ELMO1: variants seen among roughly 807,000 people sequenced by gnomAD.
ELMO1 encodes engulfment and cell motility 1, also known as engulfment and cell motility protein 1.
A neutral mutation model predicts 98.9 loss-of-function variants in ELMO1; 26 were observed. The observed-to-expected ratio is 0.26, with a 90% CI of 0.19 to 0.36. The LOEUF is 0.36. ELMO1 is among the 10% of genes least tolerant of loss of function. The probability of loss-of-function intolerance (pLI) is 1.00; values close to 1 mark genes in which losing one functional copy is unlikely to be tolerated. For synonymous variants in ELMO1, 346 were observed against 346.0 expected (o/e 1.00, Z 0.00); for missense variants, 627 against 935.2 (o/e 0.67, Z 4.30).
chr7:37,060,855 G>A lies in ELMO1; in HGVS notation c.1300+35764C>T, dbSNP rs372420874. ...AGTCACTGGATTCTGGCCCAATTTG[G>A]TGATGGGCTAGGGAGGAGGGAGGCA... On this transcript the variant is annotated intron_variant, in intron 15 of 21. Coordinates refer to ENST00000310758, the MANE Select transcript of ELMO1 (RefSeq NM_014800.11). 2.0e-5 allele frequency among the ~76,000 whole-genome samples: 3 copies of A among 150,388 alleles called. No homozygotes were observed. The South Asian group carries it at 6.2e-4, about 31-fold the overall frequency.
Position 36,855,697 on chromosome 7 carries a change from C to G in ELMO1, c.2038G>C (p.Asp680His). Residue 680 changes from aspartate (D) to histidine (H), a missense_variant, in exon 22 of 22, where the codon GAC becomes CAC. Asp to His is a moderately conservative substitution (Grantham distance 81). This residue lies in a region of ELMO1 where 492 missense variants were observed against 715.6 expected (regional missense o/e 0.69). Transcript: ENST00000310758. This position sits in a 1 kb window ranked among gnomAD's most constrained non-coding sequence, Gnocchi z 4.2. ...GTGTCCAGGTCATTCCGCGTCAGGT[C>G]GCTCATCATGTCCTTCCCGAGTAGC... Reference protein sequence around the residue: ...NALLGKDMMSDLTRNDLDTLL... With the variant: ...NALLGKDMMSHLTRNDLDTLL... The G allele has an allele frequency of 1.2e-6, 2 of 1,614,070 alleles. No individual in the cohort carries two copies. The highest frequency in any genetic ancestry group is 1.7e-6 in the Non-Finnish European group (2 of 1,179,980).
At chr7:37,220,921 CCAG>C (rs201107034) in intron 10 of ELMO1, among the ~76,000 whole-genome samples, 1,572 of 152,262 alleles carry the variant, frequency 0.01, 11 homozygotes, top group Non-Finnish European at 0.015. Flanking sequence ...CCCAGTCTGG[CCAG>C]CAGAAGGACC....
At chr7:37,238,328 TTA>T (rs1207833195) in intron 7 of ELMO1, among the ~76,000 whole-genome samples, 3 of 152,208 alleles carry the variant, frequency 2.0e-5, no homozygotes, top group African/African-American at 7.2e-5. Flanking sequence ...TTTTGATACT[TTA>T]TAAGTGGAAA....
intron 1 of ELMO1, among the ~76,000 whole-genome samples, chr7:37,359,814 C>T (rs1801630358): frequency 6.6e-6 from 1 of 152,340 alleles, no homozygotes; most frequent in Admixed American, 6.5e-5. Flanking sequence ...GCTTTATGCA[C>T]TTTTCCATTA....
intron 4 of ELMO1, among the ~76,000 whole-genome samples, chr7:37,276,132 T>C (rs981368743): frequency 3.9e-5 from 6 of 152,208 alleles, no homozygotes; most frequent in Non-Finnish European, 7.3e-5. Flanking sequence ...AGCTTTCTCA[T>C]GTCCCCGGCT....
chr7:37,328,355 C>T (rs1020173806), intron 2 of ELMO1, among the ~76,000 whole-genome samples: 2 of 124,952 alleles, frequency 1.6e-5, no homozygotes, highest in Non-Finnish European at 3.2e-5. Context: ...TGCACTCCAG[C>T]TCTGGGCAAC....
At chr7:37,280,765 A>G (rs1469406365) in intron 4 of ELMO1, among the ~76,000 whole-genome samples, 1 of 152,132 alleles carries the variant, frequency 6.6e-6, no homozygotes, top group Non-Finnish European at 1.5e-5. Flanking sequence ...AACGTAAACT[A>G]CTATAGCCAC....
chr7:37,337,535 A>C (rs1800485322), intron 2 of ELMO1, among the ~76,000 whole-genome samples: 4 of 152,108 alleles, frequency 2.6e-5, no homozygotes, highest in South Asian at 2.1e-4. Context: ...AAAAAAAAAA[A>C]AAAAAAACAC....
chr7:37,271,641 G>A (rs911227465), intron 5 of ELMO1, 191 bp downstream of exon 5: 3 of 582,420 alleles, frequency 5.2e-6, no homozygotes, highest in African/African-American at 1.9e-5. Flanking sequence ...CCTGGAATAA[G>A]GTCTTCCTCC....
intron 13 of ELMO1, among the ~76,000 whole-genome samples, chr7:37,178,474 C>A (rs1007669731): frequency 4.0e-5 from 6 of 151,540 alleles, no homozygotes. Context: ...GGCATGGTGG[C>A]GCCTGTAGTC....
chr7:37,052,159 A>ACAGAAGGG (rs1207560958), intron 15 of ELMO1, among the ~76,000 whole-genome samples: 1 of 152,158 alleles, frequency 6.6e-6, no homozygotes, highest in Admixed American at 6.5e-5. Context: ...TTGAAACCCC[A>ACAGAAGGG]CAGAAGGGCA....
intron 21 of ELMO1, 111 bp downstream of exon 21, chr7:36,861,548 G>A: frequency 3.2e-6 from 4 of 1,258,824 alleles, no homozygotes; most frequent in Non-Finnish European, 4.5e-6. Context: ...GATGCCCCTT[G>A]GTTCATCATT....
At chr7:36,882,236 C>T (rs571156915) in intron 18 of ELMO1, among the ~76,000 whole-genome samples, 9 of 152,316 alleles carry the variant, frequency 5.9e-5, no homozygotes, top group Non-Finnish European at 8.8e-5. Context: ...TAGAACACTT[C>T]CATTAGGATT....
intron 2 of ELMO1, among the ~76,000 whole-genome samples, chr7:37,330,617 TC>T (rs1172687591): frequency 2.6e-5 from 4 of 152,354 alleles, no homozygotes; most frequent in Admixed American, 2.6e-4. Context: ...GCCTCTTTGG[TC>T]TTAACTAAGC....
chr7:37,206,080 C>T lies in ELMO1; in HGVS notation c.1086+5306G>A, dbSNP rs747422693. ...TCCTAGGGACAACCTACAACTCTCACGTTCTGCTATCACCATCTCTCACGG... is the reference window on the plus strand; with the variant it reads ...TCCTAGGGACAACCTACAACTCTCATGTTCTGCTATCACCATCTCTCACGG... On this transcript the variant is annotated intron_variant, in intron 13 of 21. Coordinates refer to ENST00000310758, the MANE Select transcript of ELMO1 (RefSeq NM_014800.11). 2.0e-5 allele frequency among the ~76,000 whole-genome samples: 3 copies of T among 152,138 alleles called. 1 individual carries two copies. Among genetic ancestry groups the T allele is most frequent in the Middle Eastern group, 6.3e-3 (2 of 316 alleles).
chr7:37,152,225 C>T (rs1389611100), intron 13 of ELMO1, among the ~76,000 whole-genome samples: 2 of 152,156 alleles, frequency 1.3e-5, no homozygotes, highest in African/African-American at 4.8e-5. Context: ...TCAGAGGAAG[C>T]GGTGCCTGAA....
At chr7:37,259,108 TA>T in intron 6 of ELMO1, 72 bp downstream of exon 6, 1 of 1,495,326 alleles carries the variant, frequency 6.7e-7, no homozygotes, top group Non-Finnish European at 9.0e-7. Context: ...TTTGCAAGTG[TA>T]AGGCATGTAA....
chr7:36,960,062 T>C (rs1341447246), intron 16 of ELMO1, among the ~76,000 whole-genome samples: 3 of 152,180 alleles, frequency 2.0e-5, no homozygotes, highest in Non-Finnish European at 4.4e-5. Context: ...TCCATTGGTC[T>C]CCCCTAAAAA....
chr7:36,885,463 T>C (rs1316704530), intron 18 of ELMO1, among the ~76,000 whole-genome samples: 3 of 152,184 alleles, frequency 2.0e-5, no homozygotes, highest in South Asian at 2.1e-4. Flanking sequence ...GAAGGTTAAA[T>C]TGGTGCTAGG....
Sources: allele counts gnomAD v4.1 joint callset (sites outside exome capture counted in the v4.1 genomes callset), GRCh38; gene constraint gnomAD v4.1.1; regional missense constraint gnomAD v4.1.1; non-coding constraint Gnocchi (gnomAD v3.1); transcripts MANE v1.5; gene names NCBI Gene and HGNC (gene_info 2026-07-23, HGNC 2026-07-21).